The following AGTPBP1 variants were observed in gnomAD, a reference collection of about 807,000 sequenced individuals.
AGTPBP1 encodes cytosolic carboxypeptidase 1.
In AGTPBP1, 70 loss-of-function variants were observed where a neutral mutation model predicts 143.9. The ratio of observed to expected loss-of-function variants is 0.49; its 90% CI spans 0.40 to 0.59. The LOEUF (loss-of-function observed/expected upper bound fraction) is 0.59. Among genes scored for constraint, AGTPBP1 ranks in the 20% least tolerant of loss-of-function variants. The pLI is 0.00. For synonymous variants in AGTPBP1, 463 were observed against 500.2 expected (o/e 0.93, Z 0.99); for missense variants, 1,229 against 1,464.5 (o/e 0.84, Z 2.62).
In AGTPBP1 at chr9:85,632,819, C is replaced by G. The variant is rs1268527366; in HGVS notation, c.1858G>C (p.Asp620His). 7.4e-6 allele frequency: 12 copies of G among 1,614,056 alleles called. No homozygotes were observed. Among genetic ancestry groups the G allele is most frequent in the African/African-American group, 1.3e-5 (1 of 74,928 alleles). Reference sequence around the variant, plus strand: ...TCTGGGTCATGGAGTGTTGGTCCATCAGGTACTTCAACCGATGCTTGTTCT... The same window carrying G: ...TCTGGGTCATGGAGTGTTGGTCCATGAGGTACTTCAACCGATGCTTGTTCT... ...SVEQASVEVP[D>H]GPTLHDPDLY... Residue 620 changes from aspartate to histidine, a missense_variant, in exon 14 of 26, where the codon GAT (aspartate) becomes CAT (histidine). Physicochemically the swap from Asp to His is moderately conservative, Grantham distance 81. This residue lies in a region of AGTPBP1 where 743 missense variants were observed against 812.2 expected (regional missense o/e 0.91). Coordinates refer to ENST00000357081, the MANE Select transcript of AGTPBP1 (RefSeq NM_001330701.2).
At chr9:85,717,692 T>TA (rs55909642) in intron 1 of AGTPBP1, among the ~76,000 whole-genome samples, 4 of 151,120 alleles carry the variant, frequency 2.6e-5, no homozygotes, top group South Asian at 2.1e-4. Context: ...TTTTTTTTTT[T>TA]AATATACTTT....
chr9:85,779,247 C>CGA, the AGTPBP1 span, among the ~76,000 whole-genome samples: 1 of 131,606 alleles, frequency 7.6e-6, no homozygotes, highest in East Asian at 2.4e-4. Context: ...ATATAGATAT[C>CGA]TATATAAATA....
intron 25 of AGTPBP1, among the ~76,000 whole-genome samples, chr9:85,559,108 G>T (rs1826532061): frequency 6.6e-6 from 1 of 152,128 alleles, no homozygotes; most frequent in African/African-American, 2.4e-5. Flanking sequence ...AAATAAAAAT[G>T]ACTTTTGCTA....
chr9:85,705,690 G>GT (rs1390882524), intron 2 of AGTPBP1, among the ~76,000 whole-genome samples: 1 of 151,792 alleles, frequency 6.6e-6, no homozygotes, highest in African/African-American at 2.4e-5. Context: ...GAAGTGGAAG[G>GT]TTTTTTTGGG....
intron 13 of AGTPBP1, among the ~76,000 whole-genome samples, chr9:85,640,625 G>C (rs1832401014): frequency 6.6e-6 from 1 of 152,218 alleles, no homozygotes; most frequent in South Asian, 2.1e-4. Context: ...TAATGGACAA[G>C]TTGGCCAGCT....
chr9:85,745,859 A>C (rs1258909732), upstream of AGTPBP1, among the ~76,000 whole-genome samples: 8 of 152,282 alleles, frequency 5.3e-5, no homozygotes, highest in South Asian at 1.5e-3. Flanking sequence ...TTTTCTCTTT[A>C]ATGAAAAGCA....
intron 3 of AGTPBP1, among the ~76,000 whole-genome samples, chr9:85,685,165 A>G (rs963354908): frequency 6.6e-6 from 1 of 151,986 alleles, no homozygotes; most frequent in African/African-American, 2.4e-5. Context: ...GTATAATTAT[A>G]CTTCCACAAG....
At chr9:85,563,399 T>C (rs1826870704) in intron 25 of AGTPBP1, among the ~76,000 whole-genome samples, 1 of 152,170 alleles carries the variant, frequency 6.6e-6, no homozygotes, top group Non-Finnish European at 1.5e-5. Flanking sequence ...ATAATCCTGA[T>C]AGAATGTTGG....
chr9:85,763,898 G>C, the AGTPBP1 span, among the ~76,000 whole-genome samples: 1 of 152,068 alleles, frequency 6.6e-6, no homozygotes, highest in African/African-American at 2.4e-5. Context: ...AATAATTACT[G>C]TGAAAAGTAT....
chr9:85,763,821 C>G, the AGTPBP1 span, among the ~76,000 whole-genome samples: 1 of 151,948 alleles, frequency 6.6e-6, no homozygotes, highest in African/African-American at 2.4e-5. Context: ...GAGGGGAATG[C>G]TTTTTTAAAA....
At chr9:85,709,672 T>C (rs1837242758) in intron 2 of AGTPBP1, among the ~76,000 whole-genome samples, 1 of 152,158 alleles carries the variant, frequency 6.6e-6, no homozygotes, top group South Asian at 2.1e-4. Flanking sequence ...ATTAGAGCTC[T>C]GGGTGAGGTA....
At chr9:85,797,068 A>G in the AGTPBP1 span, among the ~76,000 whole-genome samples, 2 of 152,140 alleles carry the variant, frequency 1.3e-5, no homozygotes, top group Non-Finnish European at 2.9e-5. Context: ...TACAGGCATG[A>G]GCCACTGCGC....
intron 17 of AGTPBP1, among the ~76,000 whole-genome samples, chr9:85,599,367 A>T (rs558066126): frequency 6.6e-6 from 1 of 152,304 alleles, no homozygotes; most frequent in Non-Finnish European, 1.5e-5. Context: ...GATACCAACA[A>T]ATGCTTTTAT....
chr9:85,706,641 C>T (rs547987649), intron 2 of AGTPBP1, among the ~76,000 whole-genome samples: 2 of 152,082 alleles, frequency 1.3e-5, no homozygotes, highest in South Asian at 2.1e-4. Flanking sequence ...GAGGCTGAGG[C>T]GGGCGGATCA....
Position 85,567,920 on chromosome 9 carries a change from A to C in AGTPBP1, c.3503+7395T>G, listed in dbSNP as rs182302124. On this transcript the variant is annotated intron_variant, in intron 25 of 25. Coordinates refer to ENST00000357081, the MANE Select transcript of AGTPBP1 (RefSeq NM_001330701.2). ...AACTGAAGACAAGAGTCCTCAAATT[A>C]AAAGTACCTATTAAGTGTCAAGCAA... is the stretch of plus-strand genomic sequence containing the variant. Among the ~76,000 whole-genome samples the C allele has an allele frequency of 2.0e-3, 308 of 152,370 alleles. 1 individual carries two copies. Among genetic ancestry groups the C allele is most frequent in the Non-Finnish European group, 3.1e-3 (210 of 68,040 alleles).
intron 9 of AGTPBP1, among the ~76,000 whole-genome samples, chr9:85,660,655 C>A (rs890537959): frequency 4.6e-5 from 7 of 152,024 alleles, no homozygotes; most frequent in African/African-American, 7.2e-5. Context: ...TTTTCCTCTA[C>A]TAATGGATTT....
At chr9:85,623,150 TG>T (rs1831050451) in intron 14 of AGTPBP1, among the ~76,000 whole-genome samples, 1 of 152,164 alleles carries the variant, frequency 6.6e-6, no homozygotes, top group Non-Finnish European at 1.5e-5. Context: ...ACACAGCTTC[TG>T]TCTAAAAACG....
chr9:85,549,690 G>A (rs1448797879), intron 25 of AGTPBP1, among the ~76,000 whole-genome samples: 3 of 152,198 alleles, frequency 2.0e-5, no homozygotes, highest in Non-Finnish European at 4.4e-5. Context: ...TTCCTTGACA[G>A]GAAGGAATCT....
the AGTPBP1 span, among the ~76,000 whole-genome samples, chr9:85,796,956 T>C: frequency 6.6e-6 from 1 of 151,794 alleles, no homozygotes; most frequent in South Asian, 2.1e-4. Flanking sequence ...CCGCCTAATT[T>C]TTTTATTTTT....
Sources: allele counts gnomAD v4.1 joint callset (sites outside exome capture counted in the v4.1 genomes callset), GRCh38; gene constraint gnomAD v4.1.1; regional missense constraint gnomAD v4.1.1; transcripts MANE v1.5; gene names NCBI Gene and HGNC (gene_info 2026-07-23, HGNC 2026-07-21).